PLD5: variants seen among roughly 807,000 people sequenced by gnomAD.
PLD5 encodes the protein phospholipase D family member 5.
In PLD5, 36 loss-of-function variants were observed where a neutral mutation model predicts 61.1. The observed-to-expected ratio is 0.59, with a 90% confidence interval of 0.45 to 0.78. The LOEUF is 0.78. Ranked by LOEUF, PLD5 falls within the 30% of genes least tolerant of loss-of-function variation. PLD5 has a pLI of 0.00. For synonymous variants in PLD5, 243 were observed against 242.8 expected (o/e 1.00, Z -0.01); for missense variants, 515 against 644.4 (o/e 0.80, Z 2.17).
In PLD5 at chr1:242,089,650, G is replaced by C. The variant is rs1206612359; in HGVS notation, c.*204C>G. 1 of 619,382 alleles carries C rather than the reference G, an allele frequency of 1.6e-6. No homozygotes were observed. The highest frequency in any genetic ancestry group is 1.8e-5 in the African/African-American group (1 of 54,276). The allele number at this position is 619,382 out of a possible 1,614,324, so 38.4% of individuals were successfully genotyped here. On this transcript the variant is annotated 3_prime_UTR_variant, in exon 10 of 10. Coordinates refer to ENST00000536534, the MANE Select transcript of PLD5 (RefSeq NM_001372062.1). Reference sequence around the variant, plus strand: ...TACGCCAGAATGACATTCTCTGTCAGAGGTAACAAATACAAAAGTCTTAAT... The same window carrying C: ...TACGCCAGAATGACATTCTCTGTCACAGGTAACAAATACAAAAGTCTTAAT...
chr1:242,089,259 T>G lies in PLD5; in HGVS notation c.*595A>C, dbSNP rs746790137. 3.3e-5 allele frequency: 13 copies of G among 398,692 alleles called. No individual in the cohort carries two copies. Among genetic ancestry groups the G allele is most frequent in the African/African-American group, 6.2e-5 (3 of 48,584 alleles). The allele number at this position is 398,692 out of a possible 1,614,324, so 24.7% of individuals were successfully genotyped here. On this transcript the variant is annotated 3_prime_UTR_variant, in exon 10 of 10. Coordinates refer to ENST00000536534, the MANE Select transcript of PLD5 (RefSeq NM_001372062.1). ...GAAAATGCTATATAATAGGAACATT[T>G]TGTGAGAAGAGAAAATGATACCAAA...
chr1:242,384,286 G>A (rs1481668264), intron 1 of PLD5, among the ~76,000 whole-genome samples: 1 of 152,176 alleles, frequency 6.6e-6, no homozygotes, highest in East Asian at 1.9e-4. Flanking sequence ...AGAAACTACA[G>A]GTGGCTGGGA....
rs140586742 is a variant in PLD5, at chr1:242,459,343, C to T, written c.189+64745G>A. Among the ~76,000 whole-genome samples, 719 of 152,272 alleles carry T rather than the reference C, an allele frequency of 4.7e-3. 4 individuals are homozygous for T. Among genetic ancestry groups the T allele is most frequent in the Non-Finnish European group, 7.1e-3 (482 of 68,024 alleles). On this transcript the variant is annotated intron_variant, in intron 1 of 9. Transcript: ENST00000536534. ...CTCAAGCACACTTACCTGCTTTACC[C>T]GATGCTGAAGTTTTAGACGGTATCT...
At chr1:242,206,579 T>C (rs1669326592) in intron 5 of PLD5, among the ~76,000 whole-genome samples, 1 of 152,320 alleles carries the variant, frequency 6.6e-6, no homozygotes, top group East Asian at 1.9e-4. Flanking sequence ...ACACATATTT[T>C]GCATGTACTG....
At chr1:242,279,404 C>G (rs1674589504) in intron 3 of PLD5, among the ~76,000 whole-genome samples, 1 of 152,126 alleles carries the variant, frequency 6.6e-6, no homozygotes, top group Non-Finnish European at 1.5e-5. Context: ...CCTAACTAGT[C>G]TAGGATGGGC....
chr1:242,104,839 A>G (rs1331048122), intron 8 of PLD5, among the ~76,000 whole-genome samples: 1 of 152,216 alleles, frequency 6.6e-6, no homozygotes, highest in Non-Finnish European at 1.5e-5. Flanking sequence ...TGAATATTAT[A>G]TAATCTATAG....
intron 2 of PLD5, among the ~76,000 whole-genome samples, chr1:242,335,094 T>C (rs1483524722): frequency 1.3e-5 from 2 of 152,032 alleles, no homozygotes; most frequent in Admixed American, 1.3e-4. Flanking sequence ...CACATGCATA[T>C]GAAATAAACC....
chr1:242,366,854 G>T (rs2149242605), intron 1 of PLD5, among the ~76,000 whole-genome samples: 1 of 151,646 alleles, frequency 6.6e-6, no homozygotes, highest in Non-Finnish European at 1.5e-5. Context: ...AAAAGCAAAG[G>T]CTAATAAATC....
At chr1:242,153,886 G>A (rs1433251023) in intron 5 of PLD5, among the ~76,000 whole-genome samples, 1 of 151,942 alleles carries the variant, frequency 6.6e-6, no homozygotes, top group Non-Finnish European at 1.5e-5. Flanking sequence ...CCAATTTGGT[G>A]AAGAAAGTCA....
chr1:242,164,044 A>G (rs750973748), intron 5 of PLD5, among the ~76,000 whole-genome samples: 20 of 152,048 alleles, frequency 1.3e-4, no homozygotes, highest in Admixed American at 9.2e-4. Flanking sequence ...AATTTTGAAG[A>G]CCATGTATGT....
intron 2 of PLD5, among the ~76,000 whole-genome samples, chr1:242,319,840 AC>A (rs1378864315): frequency 3.9e-5 from 6 of 152,056 alleles, no homozygotes; most frequent in South Asian, 2.1e-4. Flanking sequence ...CTATTCCTCT[AC>A]CCCCTCTCAC....
chr1:242,216,992 T>A (rs1670252970), intron 5 of PLD5, among the ~76,000 whole-genome samples: 1 of 152,202 alleles, frequency 6.6e-6, no homozygotes, highest in African/African-American at 2.4e-5. Context: ...AAAGCTGGGA[T>A]GATAGTACTG....
intron 1 of PLD5, among the ~76,000 whole-genome samples, chr1:242,448,167 A>G (rs955814163): frequency 6.6e-6 from 1 of 152,188 alleles, no homozygotes; most frequent in East Asian, 1.9e-4. Context: ...AGAGGGAAAA[A>G]TCTGACCTTT....
chr1:242,454,858 C>T (rs1259470898), intron 1 of PLD5, among the ~76,000 whole-genome samples: 2 of 152,206 alleles, frequency 1.3e-5, no homozygotes, highest in Non-Finnish European at 2.9e-5. Flanking sequence ...CTTTGCAGAT[C>T]GTCACAGTTT....
intron 5 of PLD5, among the ~76,000 whole-genome samples, chr1:242,199,598 G>A (rs1478696614): frequency 6.6e-6 from 1 of 152,092 alleles, no homozygotes; most frequent in African/African-American, 2.4e-5. Flanking sequence ...GCACTGTGGT[G>A]AAATCACGGC....
At chr1:242,307,608 T>G (rs1203398062) in intron 2 of PLD5, among the ~76,000 whole-genome samples, 2 of 151,892 alleles carry the variant, frequency 1.3e-5, no homozygotes, top group Non-Finnish European at 2.9e-5. Context: ...TGCTCAAACA[T>G]CCCCCCTTGG....
At chr1:242,099,146 G>GA (rs1440315106) in intron 9 of PLD5, among the ~76,000 whole-genome samples, 1 of 151,936 alleles carries the variant, frequency 6.6e-6, no homozygotes, top group Non-Finnish European at 1.5e-5. Context: ...TTTTGAGGAG[G>GA]AGTCCCACCT....
rs573648087 is a variant in PLD5 at position 242,481,830 on chromosome 1, T to G, written c.189+42258A>C. On this transcript the variant is annotated intron_variant, in intron 1 of 9. Coordinates refer to ENST00000536534, the MANE Select transcript of PLD5 (RefSeq NM_001372062.1). ...CCCCTAGTAGGGGCAGACTGACACC[T>G]CACACGGCCAGGTACTCCTCTCAGA... Among the ~76,000 whole-genome samples the G allele has an allele frequency of 4.6e-3, 694 of 152,268 alleles. 6 individuals are homozygous for G. Among genetic ancestry groups the G allele is most frequent in the African/African-American group, 0.016 (674 of 41,558 alleles).
intron 3 of PLD5, among the ~76,000 whole-genome samples, chr1:242,281,676 G>C (rs1256129879): frequency 6.6e-6 from 1 of 152,132 alleles, no homozygotes; most frequent in Non-Finnish European, 1.5e-5. Context: ...GGTAAAAAAA[G>C]GTATTCTTAA....
Sources: allele counts gnomAD v4.1 joint callset (sites outside exome capture counted in the v4.1 genomes callset), GRCh38; gene constraint gnomAD v4.1.1; transcripts MANE v1.5; gene names NCBI Gene and HGNC (gene_info 2026-07-23, HGNC 2026-07-21).